The following DCC variants were observed in gnomAD, a reference collection of about 807,000 sequenced individuals.
The protein encoded by DCC is DCC netrin 1 receptor.
A neutral mutation model predicts 172.5 loss-of-function variants in DCC; 58 were observed. The ratio of observed to expected loss-of-function variants is 0.34; its 90% CI spans 0.27 to 0.42. DCC has a LOEUF of 0.42. DCC is among the 10% of genes least tolerant of loss of function. The pLI, the probability that DCC is intolerant of heterozygous loss-of-function variation, is 1.00. For synonymous variants in DCC, 709 were observed against 644.5 expected, an observed-to-expected ratio of 1.10 and a Z score of -1.52; for missense variants, 1,740 against 1,791.0, an observed-to-expected ratio of 0.97 and a Z score of 0.51.
chr18:52,765,223 T>C (rs1297319298), intron 2 of DCC, among the ~76,000 whole-genome samples: 1 of 141,956 alleles, frequency 7.0e-6, no homozygotes, highest in Admixed American at 7.4e-5. Context: ...TTTTTTGTAT[T>C]TTTAGTAGAG....
At chr18:52,896,475 T>G (rs189041670) in intron 2 of DCC, among the ~76,000 whole-genome samples, 2 of 152,310 alleles carry the variant, frequency 1.3e-5, no homozygotes, top group Non-Finnish European at 2.9e-5. Flanking sequence ...TAGTACCTTC[T>G]GTAAGAAGGA....
At chr18:52,864,092 C>A (rs2039185027) in intron 2 of DCC, among the ~76,000 whole-genome samples, 1 of 152,080 alleles carries the variant, frequency 6.6e-6, no homozygotes, top group South Asian at 2.1e-4. Context: ...ACATAAAGAT[C>A]TTATAGCTTT....
chr18:52,755,917 C>A (rs1033062884), intron 2 of DCC, among the ~76,000 whole-genome samples: 1 of 152,188 alleles, frequency 6.6e-6, no homozygotes, highest in Admixed American at 6.5e-5. Flanking sequence ...TTTCTAGGAG[C>A]TTCTCAAGTG....
chr18:52,812,210 C>CCTT (rs1281274881), intron 2 of DCC, among the ~76,000 whole-genome samples: 1 of 152,108 alleles, frequency 6.6e-6, no homozygotes, highest in Non-Finnish European at 1.5e-5. Flanking sequence ...TATAATTCAC[C>CCTT]TCAGCTACCC....
rs1185408177 is a variant in DCC, at chr18:53,458,173, G to A, written c.3393-1059G>A. Among the ~76,000 whole-genome samples the A allele has an allele frequency of 3.3e-5, 5 of 152,112 alleles. No individual in the cohort carries two copies. The East Asian group carries it at 9.6e-4, about 29-fold the overall frequency. On this transcript the variant is annotated intron_variant, in intron 23 of 28. Transcript: ENST00000442544. ...TGTCAAAACTAGATTTTAACAGTTT[G>A]CATTATTTCTTACAAGAGACATTAT...
intron 5 of DCC, among the ~76,000 whole-genome samples, chr18:52,964,878 T>C (rs1047470136): frequency 6.6e-5 from 10 of 152,170 alleles, no homozygotes; most frequent in African/African-American, 2.4e-4. Context: ...TTTTGCTTTT[T>C]TCAGTTTCCA....
intron 7 of DCC, among the ~76,000 whole-genome samples, chr18:53,155,052 A>G (rs2054707491): frequency 6.6e-6 from 1 of 152,174 alleles, no homozygotes; most frequent in African/African-American, 2.4e-5. Context: ...TTATCTACAA[A>G]GAAATAGTCA....
At chr18:52,696,798 G>A (rs1393376528) in intron 1 of DCC, among the ~76,000 whole-genome samples, 2 of 152,196 alleles carry the variant, frequency 1.3e-5, no homozygotes, top group African/African-American at 4.8e-5. Flanking sequence ...ATGAGAGCCT[G>A]GAATCGAAGG....
chr18:52,782,712 C>T (rs1020439509), intron 2 of DCC, among the ~76,000 whole-genome samples: 3 of 152,028 alleles, frequency 2.0e-5, no homozygotes, highest in Non-Finnish European at 4.4e-5. Context: ...AATTGCTCTG[C>T]TCCTGCTTGG....
chr18:53,497,649 T>A (rs575907853), intron 26 of DCC, among the ~76,000 whole-genome samples: 7 of 152,352 alleles, frequency 4.6e-5, no homozygotes, highest in Non-Finnish European at 8.8e-5. Flanking sequence ...ACTGTTTGAA[T>A]ACAAGCACAC....
intron 1 of DCC, among the ~76,000 whole-genome samples, chr18:52,479,907 C>T (rs2029887788): frequency 6.6e-6 from 1 of 151,678 alleles, no homozygotes. Context: ...CAGTTCCATG[C>T]TATTTTTTGA....
At chr18:52,387,082 T>A (rs955796363) in intron 1 of DCC, among the ~76,000 whole-genome samples, 5 of 152,286 alleles carry the variant, frequency 3.3e-5, no homozygotes, top group Non-Finnish European at 7.4e-5. Flanking sequence ...CAGCTGAAAA[T>A]GTCTTTCTCA....
At chr18:52,380,225 G>A (rs984207810) in intron 1 of DCC, among the ~76,000 whole-genome samples, 1 of 151,972 alleles carries the variant, frequency 6.6e-6, no homozygotes, top group Non-Finnish European at 1.5e-5. Flanking sequence ...TAAAGATTAA[G>A]TTTCAACATA....
intron 13 of DCC, among the ~76,000 whole-genome samples, chr18:53,319,674 T>A (rs542878220): frequency 6.6e-6 from 1 of 152,238 alleles, no homozygotes; most frequent in African/African-American, 2.4e-5. Context: ...GGCCAGGCAA[T>A]TCAAAAATCA....
chr18:52,720,476 G>A (rs929056310), intron 1 of DCC, among the ~76,000 whole-genome samples: 30 of 152,150 alleles, frequency 2.0e-4, no homozygotes, highest in Admixed American at 1.7e-3. Context: ...GGATGGGAAG[G>A]GCCTCCTAGA....
intron 21 of DCC, among the ~76,000 whole-genome samples, chr18:53,432,689 C>A (rs914789920): frequency 6.6e-6 from 1 of 152,070 alleles, no homozygotes; most frequent in Admixed American, 6.6e-5. Flanking sequence ...ATTGTCTCTT[C>A]ATTTGACAAC....
chr18:52,984,949 AAAT>A (rs2041268607), intron 5 of DCC, among the ~76,000 whole-genome samples: 1 of 152,278 alleles, frequency 6.6e-6, no homozygotes, highest in East Asian at 1.9e-4. Flanking sequence ...TGTCTTTAAA[AAAT>A]AATAACATGC....
chr18:52,834,909 A>ATATATGTATATG (rs58716712), intron 2 of DCC, among the ~76,000 whole-genome samples: 15 of 151,270 alleles, frequency 9.9e-5, no homozygotes, highest in African/African-American at 1.7e-4. Context: ...TGCATACACT[A>ATATATGTATATG]TATATGTATA....
At chr18:53,078,752 T>C (rs1372794937) in intron 7 of DCC, among the ~76,000 whole-genome samples, 2 of 152,188 alleles carry the variant, frequency 1.3e-5, no homozygotes, top group Non-Finnish European at 2.9e-5. Flanking sequence ...ACCAAGAATC[T>C]ATAGGTGACC....
Sources: allele counts gnomAD v4.1 joint callset (sites outside exome capture counted in the v4.1 genomes callset), GRCh38; gene constraint gnomAD v4.1.1; transcripts MANE v1.5; gene names NCBI Gene and HGNC (gene_info 2026-07-23, HGNC 2026-07-21).